GNPAT: variants seen among roughly 807,000 people sequenced by gnomAD.
GNPAT encodes dihydroxyacetone phosphate acyltransferase.
A neutral mutation model predicts 78.4 loss-of-function variants in GNPAT; 30 were observed. That is an observed-to-expected ratio of 0.38 (90% confidence interval 0.29 to 0.52). The LOEUF (loss-of-function observed/expected upper bound fraction) is 0.52. Among genes scored for constraint, GNPAT ranks in the 20% least tolerant of loss-of-function variants. The pLI is 0.84. For synonymous variants in GNPAT, 271 were observed against 281.1 expected (o/e 0.96, Z 0.36); for missense variants, 714 against 812.2 (o/e 0.88, Z 1.47).
intron 9 of GNPAT, among the ~76,000 whole-genome samples, chr1:231,269,330 A>T (rs1685484579): frequency 6.6e-6 from 1 of 152,204 alleles, no homozygotes; most frequent in African/African-American, 2.4e-5. Flanking sequence ...CCAGAGATTC[A>T]TCAGTGATAT....
At chr1:231,264,426 G>A (rs1013446304) in intron 4 of GNPAT, among the ~76,000 whole-genome samples, 5 of 152,222 alleles carry the variant, frequency 3.3e-5, no homozygotes, top group East Asian at 3.9e-4. Flanking sequence ...CTGTAAGATC[G>A]ATTCCTAAAA....
At position 231,241,281 on chromosome 1, in the gene GNPAT, G is replaced by C; in HGVS notation, c.-98G>C. ...TGCAGAGGGTGCCGCCGCCCTAGGC[G>C]AAGTAGGGCCGTCCTGAGCGAAAGA... On this transcript the variant is annotated 5_prime_UTR_variant, in exon 1 of 16. Coordinates refer to ENST00000366647, the MANE Select transcript of GNPAT (RefSeq NM_014236.4). The C allele has an allele frequency of 2.1e-6, 3 of 1,400,008 alleles. No homozygotes were observed. Among genetic ancestry groups the C allele is most frequent in the Non-Finnish European group, 3.0e-6 (3 of 985,290 alleles). 86.7% of individuals were successfully genotyped at this position (1,400,008 alleles called of 1,614,324 possible).
intron 1 of GNPAT, among the ~76,000 whole-genome samples, chr1:231,245,241 G>C (rs530221719): frequency 6.6e-6 from 1 of 151,820 alleles, no homozygotes; most frequent in South Asian, 2.1e-4. Context: ...TTAATTTTTG[G>C]CTTTTTAATT....
chr1:231,265,959 A>G, intron 6 of GNPAT, 55 bp from the exon 7 acceptor site: 2 of 1,459,854 alleles, frequency 1.4e-6, no homozygotes, highest in Non-Finnish European at 1.9e-6. Flanking sequence ...TTATGTGCTC[A>G]TGTTTGCTCT....
chr1:231,274,224 T>A (rs1685648507), intron 12 of GNPAT, among the ~76,000 whole-genome samples, 162 bp downstream of exon 12: 1 of 152,192 alleles, frequency 6.6e-6, no homozygotes, highest in Admixed American at 6.5e-5. Flanking sequence ...ACCTCACCAG[T>A]GAGACCTTGC....
Position 231,241,310 on chromosome 1 carries a change from G to T in GNPAT, c.-69G>T, listed in dbSNP as rs1422861789. 3.5e-6 allele frequency: 5 copies of T among 1,441,716 alleles called. No individual in the cohort carries two copies. Among genetic ancestry groups the T allele is most frequent in the African/African-American group, 1.4e-5 (1 of 71,436 alleles). The allele number at this position is 1,441,716 out of a possible 1,614,324, so 89.3% of individuals were successfully genotyped here. On this transcript the variant is annotated 5_prime_UTR_variant, in exon 1 of 16. Transcript: ENST00000366647. ...TAGGGCCGTCCTGAGCGAAAGAACC[G>T]CCCCCAGCAGGAGCACCACCACGGC... is the stretch of plus-strand genomic sequence containing the variant.
intron 2 of GNPAT, among the ~76,000 whole-genome samples, chr1:231,259,997 C>T (rs1379066112): frequency 2.0e-5 from 3 of 152,154 alleles, no homozygotes; most frequent in African/African-American, 7.2e-5. Context: ...AAATAAGTTC[C>T]GTTGTGAGAT....
At chr1:231,254,162 A>C (rs1431519159) in intron 2 of GNPAT, among the ~76,000 whole-genome samples, 1 of 152,172 alleles carries the variant, frequency 6.6e-6, no homozygotes, top group Non-Finnish European at 1.5e-5. Context: ...CACCCAGGTT[A>C]AGTGTTACCA....
chr1:231,251,890 T>G (rs1684908743), intron 2 of GNPAT, among the ~76,000 whole-genome samples: 1 of 152,222 alleles, frequency 6.6e-6, no homozygotes, highest in Admixed American at 6.5e-5. Flanking sequence ...TAGAATCACC[T>G]GTAGAACTTT....
At chr1:231,277,391 C>G in intron 15 of GNPAT, 108 bp from the exon 16 acceptor site, 2 of 781,382 alleles carry the variant, frequency 2.6e-6, no homozygotes, top group Non-Finnish European at 4.7e-6. Context: ...CTGTGAAGCT[C>G]TGCACAAGTC....
rs766098674 is a variant in GNPAT, at chr1:231,275,277, C to T, written c.1800C>T (p.Tyr600=). 2 of 1,613,088 alleles carry T rather than the reference C, an allele frequency of 1.2e-6. No individual in the cohort carries two copies. The highest frequency in any genetic ancestry group is 2.7e-5 in the African/African-American group (2 of 74,926). ...EEEDHFSEEQ[Y]LAAVRKFTSQ... Reference sequence around the variant, plus strand: ...AGGACCACTTCAGTGAGGAACAGTACTTGGCTGCAGTCAGAAAATTCACAA... The same window carrying T: ...AGGACCACTTCAGTGAGGAACAGTATTTGGCTGCAGTCAGAAAATTCACAA... Residue 600 remains tyrosine (Y), a synonymous_variant, in exon 13 of 16, where the codon TAC becomes TAT. Coordinates refer to ENST00000366647, the MANE Select transcript of GNPAT (RefSeq NM_014236.4).
At chr1:231,273,850 G>T in intron 11 of GNPAT, 72 bp from the exon 12 acceptor site, 1 of 1,180,694 alleles carries the variant, frequency 8.5e-7, no homozygotes, top group East Asian at 2.3e-5. Context: ...CTAGATGAGG[G>T]GGTACATGTA....
chr1:231,245,789 G>A (rs771627487), intron 1 of GNPAT, among the ~76,000 whole-genome samples: 4 of 152,082 alleles, frequency 2.6e-5, no homozygotes, highest in Non-Finnish European at 5.9e-5. Flanking sequence ...GACCAACATC[G>A]AGAAACCCCG....
rs1410117419 is a variant in GNPAT at position 231,241,459 on chromosome 1, A to G, written c.78+3A>G. On this transcript the variant is annotated splice_donor_region_variant and intron_variant, in intron 1 of 15. Transcript: ENST00000366647. ...GCGCTGTCGTGCTCCTCTACTCGGT[A>G]GGCGCCCAGGGAAAAGAGGCCCAGA... The G allele has an allele frequency of 6.2e-7, 1 of 1,607,234 alleles. No homozygotes were observed. The highest frequency in any genetic ancestry group is 8.5e-7 in the Non-Finnish European group (1 of 1,174,040).
chr1:231,276,045 A>G (rs1023305372), intron 14 of GNPAT, 90 bp from the exon 15 acceptor site: 21 of 702,436 alleles, frequency 3.0e-5, no homozygotes, highest in Non-Finnish European at 4.4e-5. Flanking sequence ...ATTGAAAAGT[A>G]GTCTTACAAT....
chr1:231,255,074 G>A (rs753889536), intron 2 of GNPAT, among the ~76,000 whole-genome samples: 6 of 152,018 alleles, frequency 3.9e-5, no homozygotes, highest in Non-Finnish European at 8.8e-5. Context: ...TTAAACTATT[G>A]TTAGTGCTCT....
chr1:231,260,767 C>A, intron 3 of GNPAT, 84 bp downstream of exon 3: 1 of 952,654 alleles, frequency 1.0e-6, no homozygotes. Flanking sequence ...CTTTTTCAAC[C>A]CCTCACAATT....
chr1:231,272,532 G>A, intron 11 of GNPAT, 141 bp downstream of exon 11: 1 of 666,184 alleles, frequency 1.5e-6, no homozygotes, highest in Admixed American at 2.0e-5. Context: ...AGAAACTGGG[G>A]CGCTCACAGT....
chr1:231,269,477 G>T (rs1685490973), intron 9 of GNPAT, among the ~76,000 whole-genome samples: 1 of 152,198 alleles, frequency 6.6e-6, no homozygotes, highest in Non-Finnish European at 1.5e-5. Context: ...AATGAGAAAT[G>T]CAGGATGCCT....
Sources: allele counts gnomAD v4.1 joint callset (sites outside exome capture counted in the v4.1 genomes callset), GRCh38; gene constraint gnomAD v4.1.1; transcripts MANE v1.5; gene names NCBI Gene and HGNC (gene_info 2026-07-23, HGNC 2026-07-21).